Variants in ITPKC observed in about 807,000 individuals in gnomAD.
The protein encoded by ITPKC is IP3 3-kinase C.
In ITPKC, 33 loss-of-function variants were observed where a neutral mutation model predicts 67.1. The observed-to-expected ratio is 0.49, with a 90% confidence interval of 0.37 to 0.66. The LOEUF (loss-of-function observed/expected upper bound fraction) is 0.66. Ranked by LOEUF, ITPKC falls within the 30% of genes least tolerant of loss-of-function variation. ITPKC has a pLI of 0.00. For synonymous variants in ITPKC, 341 were observed against 359.8 expected (o/e 0.95, Z 0.59); for missense variants, 820 against 892.1 (o/e 0.92, Z 1.03).
Position 40,740,656 on chromosome 19 carries a change from G to A in ITPKC, c.*1096G>A, listed in dbSNP as rs568605485. ...GCCCTTGAGGCTGGGCTGGCGGACA[G>A]GCACCTACCTCTTCCTTAAGCTGAA... is the stretch of plus-strand genomic sequence containing the variant. On this transcript the variant is annotated 3_prime_UTR_variant, in exon 7 of 7. Transcript: ENST00000263370. The A allele has an allele frequency of 1.3e-3, 377 of 292,292 alleles. No homozygotes were observed. The highest frequency in any genetic ancestry group is 1.9e-3 in the Non-Finnish European group (296 of 157,414). 18.1% of individuals were successfully genotyped at this position (292,292 alleles called of 1,614,324 possible).
At chr19:40,732,413 C>A (rs1185962814) in intron 3 of ITPKC, among the ~76,000 whole-genome samples, 2 of 150,440 alleles carry the variant, frequency 1.3e-5, no homozygotes, top group Non-Finnish European at 3.0e-5. Context: ...ACCTGTAATC[C>A]CAGCTACTCA....
At position 40,730,010 on chromosome 19, in the gene ITPKC, G is replaced by A. The variant is rs536041899; in HGVS notation, c.1469+595G>A. On this transcript the variant is annotated intron_variant, in intron 3 of 6. Coordinates refer to ENST00000263370, the MANE Select transcript of ITPKC (RefSeq NM_025194.3). ...GGCTGGAGTGCAGTGGCACGATCTC[G>A]GCTCACTGCAATCTCCACCTCCTGG... Among the ~76,000 whole-genome samples, 6 of 151,956 alleles carry A rather than the reference G, an allele frequency of 3.9e-5. 1 individual carries two copies. Among genetic ancestry groups the A allele is most frequent in the African/African-American group, 1.4e-4 (6 of 41,450 alleles).
chr19:40,731,302 C>A (rs909711672), intron 3 of ITPKC, among the ~76,000 whole-genome samples: 1 of 152,286 alleles, frequency 6.6e-6, no homozygotes, highest in South Asian at 2.1e-4. Flanking sequence ...TGAACTGTGC[C>A]TGCAAGGGAT....
At chr19:40,735,402 G>A (rs750327037) in intron 4 of ITPKC, among the ~76,000 whole-genome samples, 6 of 150,928 alleles carry the variant, frequency 4.0e-5, no homozygotes, top group South Asian at 2.1e-4. Context: ...GTACAGTGGC[G>A]CGATCACAGC....
At chr19:40,719,492 T>C (rs947746570) in intron 1 of ITPKC, among the ~76,000 whole-genome samples, 2 of 151,970 alleles carry the variant, frequency 1.3e-5, no homozygotes, top group African/African-American at 4.8e-5. Context: ...ATGAGGTAGA[T>C]ACTTTTTTTT....
chr19:40,728,590 C>G, intron 2 of ITPKC, among the ~76,000 whole-genome samples: 1 of 152,148 alleles, frequency 6.6e-6, no homozygotes, highest in East Asian at 1.9e-4. Context: ...GGACTTAGAT[C>G]TCACAGAATT....
intron 1 of ITPKC, among the ~76,000 whole-genome samples, chr19:40,722,768 T>TTTTC (rs1038116392): frequency 9.2e-5 from 14 of 151,950 alleles, no homozygotes; most frequent in Admixed American, 5.2e-4. Flanking sequence ...GCTTCTCTGG[T>TTTTC]TTTCTTTCTT....
rs1294264695 is a variant in ITPKC at position 40,717,341 on chromosome 19, G to A, written c.206G>A (p.Ser69Asn). 1.2e-6 allele frequency: 2 copies of A among 1,607,726 alleles called. No individual in the cohort carries two copies. The highest frequency in any genetic ancestry group is 2.2e-5 in the East Asian group (1 of 44,756). ...WARTEGSSLH[S>N]EPERAGLGPA... ...CGGACAGAGGGGTCCAGCCTCCACA[G>A]CGAGCCTGAGAGGGCCGGCCTCGGG... Residue 69 changes from serine (S) to asparagine (N), a missense_variant, in exon 1 of 7, where the codon AGC (serine) becomes AAC (asparagine). Transcript: ENST00000263370.
chr19:40,727,226 C>T (rs1472948208), intron 2 of ITPKC, among the ~76,000 whole-genome samples: 1 of 151,490 alleles, frequency 6.6e-6, no homozygotes, highest in South Asian at 2.1e-4. Flanking sequence ...CCCAGCTACT[C>T]GGGAGGCTGA....
rs1414956349 is a variant in ITPKC, at chr19:40,717,625, T to A, written c.490T>A (p.Trp164Arg). ...LQFQPEEASPWTQPGVHGPWT... is the reference protein window; with the variant it reads ...LQFQPEEASPRTQPGVHGPWT... ...GTTTCAGCCCGAGGAGGCCAGCCCCTGGACACAGCCAGGGGTTCATGGGCC... is the reference window on the plus strand; with the variant it reads ...GTTTCAGCCCGAGGAGGCCAGCCCCAGGACACAGCCAGGGGTTCATGGGCC... The change falls in exon 1 of 7, where the codon TGG (tryptophan) becomes AGG (arginine). Residue 164 changes from tryptophan (W) to arginine (R), a missense_variant. Transcript: ENST00000263370. 1 of 1,613,998 alleles carries A rather than the reference T, an allele frequency of 6.2e-7. No individual in the cohort carries two copies. Among genetic ancestry groups the A allele is most frequent in the Non-Finnish European group, 8.5e-7 (1 of 1,179,968 alleles).
rs1272423165 is a variant in ITPKC at position 40,739,355 on chromosome 19, A to G, written c.1849-2A>G. On this transcript the variant is annotated splice_acceptor_variant, in intron 6 of 6. Transcript: ENST00000263370. LOFTEE classifies it high-confidence loss of function. ...CTTAACCTCCCGTCTCTACCCCGGC[A>G]GGTGGTAGGCAGCTCCCTCCTCTTC... 1 of 1,612,912 alleles carries G rather than the reference A, an allele frequency of 6.2e-7. No homozygotes were observed.
chr19:40,728,515 G>A (rs1223644312), intron 2 of ITPKC, among the ~76,000 whole-genome samples: 1 of 152,166 alleles, frequency 6.6e-6, no homozygotes, highest in Non-Finnish European at 1.5e-5. Flanking sequence ...AATAGGCCCT[G>A]GTTGTTAGCA....
At chr19:40,735,409 C>G (rs2082290203) in intron 4 of ITPKC, among the ~76,000 whole-genome samples, 1 of 151,640 alleles carries the variant, frequency 6.6e-6, no homozygotes, top group African/African-American at 2.4e-5. Flanking sequence ...GGCGCGATCA[C>G]AGCTCACTGC....
intron 1 of ITPKC, among the ~76,000 whole-genome samples, chr19:40,725,083 T>C (rs1295676880): frequency 6.6e-6 from 1 of 151,880 alleles, no homozygotes; most frequent in Non-Finnish European, 1.5e-5. Flanking sequence ...CAGAGAGACA[T>C]AGATACAAAG....
chr19:40,730,503 C>CTCA (rs1341991285), intron 3 of ITPKC, among the ~76,000 whole-genome samples: 1 of 152,184 alleles, frequency 6.6e-6, no homozygotes. Context: ...ATGATTATAG[C>CTCA]TCACAGTAGC....
intron 2 of ITPKC, 124 bp downstream of exon 2, chr19:40,725,563 G>A (rs1191324706): frequency 2.8e-6 from 2 of 720,992 alleles, no homozygotes; most frequent in Admixed American, 2.0e-5. Flanking sequence ...TTATGGGACT[G>A]TTATGGGCAG....
chr19:40,730,974 C>T (rs1379762216), intron 3 of ITPKC, among the ~76,000 whole-genome samples: 1 of 152,028 alleles, frequency 6.6e-6, no homozygotes, highest in African/African-American at 2.4e-5. Flanking sequence ...CAAGACTGCC[C>T]CCCAGTTACA....
intron 6 of ITPKC, among the ~76,000 whole-genome samples, chr19:40,738,194 C>T (rs1186203347): frequency 2.0e-5 from 3 of 151,786 alleles, no homozygotes; most frequent in Non-Finnish European, 2.9e-5. Flanking sequence ...TTTGGGAGGC[C>T]GAGGTGAGCA....
At chr19:40,732,703 G>A (rs1171827439) in intron 3 of ITPKC, among the ~76,000 whole-genome samples, 1 of 152,024 alleles carries the variant, frequency 6.6e-6, no homozygotes, top group African/African-American at 2.4e-5. Flanking sequence ...AAGTGTTGGG[G>A]TTACAGATGT....
Sources: allele counts gnomAD v4.1 joint callset (sites outside exome capture counted in the v4.1 genomes callset), GRCh38; gene constraint gnomAD v4.1.1; transcripts MANE v1.5; gene names NCBI Gene and HGNC (gene_info 2026-07-23, HGNC 2026-07-21).